Variants in CTNNA3 observed in about 807,000 individuals in gnomAD.
The protein encoded by CTNNA3 is catenin alpha-3.
A neutral mutation model predicts 95.7 loss-of-function variants in CTNNA3; 76 were observed. The ratio of observed to expected loss-of-function variants is 0.79; its 90% CI spans 0.66 to 0.96. CTNNA3 has a LOEUF of 0.96. Ranked by LOEUF, CTNNA3 falls within the 40% of genes least tolerant of loss-of-function variation. CTNNA3 has a pLI of 0.00. For synonymous variants in CTNNA3, 431 were observed against 374.4 expected (o/e 1.15, Z -1.74); for missense variants, 1,191 against 1,089.8 (o/e 1.09, Z -1.31).
intron 17 of CTNNA3, among the ~76,000 whole-genome samples, chr10:65,952,219 C>T (rs988254837): frequency 1.3e-5 from 2 of 152,046 alleles, no homozygotes; most frequent in Admixed American, 1.3e-4. Flanking sequence ...AAGGAAATGC[C>T]TTAGTCCACT....
chr10:67,164,062 A>C (rs1390153564), intron 7 of CTNNA3, among the ~76,000 whole-genome samples: 1 of 148,276 alleles, frequency 6.7e-6, no homozygotes, highest in Non-Finnish European at 1.5e-5. Context: ...TTGATATACA[A>C]GTTTTTATAA....
At chr10:67,032,898 T>A (rs1344213341) in intron 7 of CTNNA3, among the ~76,000 whole-genome samples, 1 of 152,210 alleles carries the variant, frequency 6.6e-6, no homozygotes. Context: ...TGGTACTGCA[T>A]AATGACATTT....
intron 12 of CTNNA3, among the ~76,000 whole-genome samples, chr10:66,316,039 TC>T (rs1237917590): frequency 2.6e-5 from 4 of 152,088 alleles, no homozygotes; most frequent in African/African-American, 9.7e-5. Flanking sequence ...AGAGTTAAGC[TC>T]CCATGGCATG....
At chr10:66,487,197 T>A (rs1644040932) in intron 11 of CTNNA3, among the ~76,000 whole-genome samples, 1 of 121,242 alleles carries the variant, frequency 8.2e-6, no homozygotes, top group African/African-American at 3.2e-5. Context: ...TTTTTTTTTT[T>A]TTTTTTTTTT....
chr10:67,573,260 C>T (rs879202231), intron 3 of CTNNA3, among the ~76,000 whole-genome samples: 3 of 152,092 alleles, frequency 2.0e-5, no homozygotes, highest in African/African-American at 4.8e-5. Context: ...AGTGTCCCTA[C>T]GACCAACCCC....
intron 3 of CTNNA3, among the ~76,000 whole-genome samples, chr10:67,570,565 C>T (rs1019988410): frequency 7.9e-5 from 12 of 152,144 alleles, no homozygotes; most frequent in Admixed American, 2.0e-4. Context: ...GTGACACATA[C>T]TGTGGACAAC....
Position 66,132,227 on chromosome 10 carries a change from C to A in CTNNA3, c.1885-28978G>T, listed in dbSNP as rs185186114. ...AATCTATAAGACAAAAGCAAACAAT[C>A]CCATTGAAAAGTGGACATGAACAGA... On this transcript the variant is annotated intron_variant, in intron 13 of 17. Coordinates refer to ENST00000433211, the MANE Select transcript of CTNNA3 (RefSeq NM_013266.4). 3.1e-3 allele frequency among the ~76,000 whole-genome samples: 475 copies of A among 152,160 alleles called. 2 individuals carry two copies. The highest frequency in any genetic ancestry group is 0.011 in the African/African-American group (457 of 41,528).
At chr10:67,336,064 T>A (rs564412741) in intron 5 of CTNNA3, among the ~76,000 whole-genome samples, 1 of 152,266 alleles carries the variant, frequency 6.6e-6, no homozygotes, top group Admixed American at 6.5e-5. Context: ...GTTACCATCG[T>A]AATTGTTGTG....
intron 1 of CTNNA3, among the ~76,000 whole-genome samples, chr10:67,755,415 GC>G (rs1564847083): frequency 6.6e-6 from 1 of 151,824 alleles, no homozygotes. Context: ...AATTAGTACA[GC>G]CACTATGGAA....
chr10:67,446,933 G>C (rs927076415), intron 5 of CTNNA3, among the ~76,000 whole-genome samples: 1 of 152,024 alleles, frequency 6.6e-6, no homozygotes, highest in East Asian at 1.9e-4. Context: ...GTGAAACCCC[G>C]TCTCTCCTAA....
In CTNNA3 at chr10:66,766,432, A is replaced by T; in HGVS notation, c.1129-16T>A. On this transcript the variant is annotated splice_polypyrimidine_tract_variant and intron_variant, in intron 8 of 17. Transcript: ENST00000433211. ...CCTTGCGGAGCTGAGAAGAAATGAA[A>T]AATTCAGGTTTTTTTTTTCCAGGAA... 3.1e-6 allele frequency: 5 copies of T among 1,587,300 alleles called. No individual in the cohort carries two copies. The highest frequency in any genetic ancestry group is 4.3e-6 in the Non-Finnish European group (5 of 1,165,446).
At chr10:66,117,855 T>A (rs1186164017) in intron 13 of CTNNA3, among the ~76,000 whole-genome samples, 1 of 152,192 alleles carries the variant, frequency 6.6e-6, no homozygotes, top group East Asian at 1.9e-4. Flanking sequence ...CTATCCTAAG[T>A]AAGCCATAAC....
intron 5 of CTNNA3, among the ~76,000 whole-genome samples, chr10:67,515,797 C>T (rs1295214127): frequency 3.3e-5 from 5 of 152,170 alleles, no homozygotes; most frequent in Admixed American, 2.6e-4. Flanking sequence ...AATTAACATA[C>T]TTCATCTTAC....
chr10:67,031,671 A>C (rs1853736980), intron 7 of CTNNA3, among the ~76,000 whole-genome samples: 1 of 152,196 alleles, frequency 6.6e-6, no homozygotes, highest in South Asian at 2.1e-4. Flanking sequence ...AAACTGTCAG[A>C]ATTAACAAAT....
chr10:66,501,565 T>C (rs1840276984), intron 11 of CTNNA3, among the ~76,000 whole-genome samples: 1 of 152,196 alleles, frequency 6.6e-6, no homozygotes, highest in South Asian at 2.1e-4. Context: ...AATGATTAAC[T>C]TGTCAACACG....
At chr10:66,955,231 G>C (rs1017684760) in intron 7 of CTNNA3, among the ~76,000 whole-genome samples, 2 of 151,674 alleles carry the variant, frequency 1.3e-5, no homozygotes, top group African/African-American at 4.9e-5. Context: ...ACAGGAAAAT[G>C]GATGTTATAT....
chr10:66,833,377 T>A (rs780750904), intron 7 of CTNNA3, among the ~76,000 whole-genome samples: 8 of 152,222 alleles, frequency 5.3e-5, no homozygotes, highest in Admixed American at 1.3e-4. Flanking sequence ...CTTGTTTATA[T>A]CTCTATAATA....
At chr10:67,639,179 C>T (rs574786013) in intron 2 of CTNNA3, among the ~76,000 whole-genome samples, 51 of 152,190 alleles carry the variant, frequency 3.4e-4, no homozygotes, top group African/African-American at 1.2e-3. Flanking sequence ...GGGATATCAC[C>T]GCCAATCCCA....
Position 66,679,773 on chromosome 10 carries a change from C to T in CTNNA3, c.1282-57989G>A, listed in dbSNP as rs186202266. 2.2e-3 allele frequency among the ~76,000 whole-genome samples: 341 copies of T among 152,282 alleles called. 1 individual carries two copies. The highest frequency in any genetic ancestry group is 7.6e-3 in the African/African-American group (314 of 41,570). On this transcript the variant is annotated intron_variant, in intron 9 of 17. Transcript: ENST00000433211. Reference sequence around the variant, plus strand: ...ATAAAGTTGGACTGTGACTTACACACAACATGCAAACTACTTGATACCATT... The same window carrying T: ...ATAAAGTTGGACTGTGACTTACACATAACATGCAAACTACTTGATACCATT...
Sources: allele counts gnomAD v4.1 joint callset (sites outside exome capture counted in the v4.1 genomes callset), GRCh38; gene constraint gnomAD v4.1.1; transcripts MANE v1.5; gene names NCBI Gene and HGNC (gene_info 2026-07-23, HGNC 2026-07-21).